Variants in ATP9A observed in about 807,000 individuals in gnomAD.
The protein encoded by ATP9A is probable phospholipid-transporting ATPase IIA.
In ATP9A, 52 loss-of-function variants were observed where a neutral mutation model predicts 144.1. The observed-to-expected ratio is 0.36, with a 90% CI of 0.29 to 0.45. ATP9A has a LOEUF of 0.45. Among genes scored for constraint, ATP9A ranks in the 20% least tolerant of loss-of-function variants. The pLI, the probability that ATP9A is intolerant of heterozygous loss-of-function variation, is 1.00. For missense variants in ATP9A, 947 were observed against 1,392.7 expected, an observed-to-expected ratio of 0.68 and a Z score of 5.09; for synonymous variants, 582 against 557.4, an observed-to-expected ratio of 1.04 and a Z score of -0.62.
intron 1 of ATP9A, among the ~76,000 whole-genome samples, chr20:51,751,573 TTTTG>T (rs1052609965): frequency 3.3e-5 from 5 of 151,650 alleles, no homozygotes; most frequent in African/African-American, 4.8e-5. Context: ...TCCTATTCCT[TTTTG>T]TTTGTTTTTT....
Position 51,611,413 on chromosome 20 carries a change from A to G in ATP9A, c.2572-1248T>C, listed in dbSNP as rs2077184393. Among the ~76,000 whole-genome samples the G allele has an allele frequency of 6.6e-6, 1 of 152,204 alleles. No individual in the cohort carries two copies. The highest frequency in any genetic ancestry group is 1.5e-5 in the Non-Finnish European group (1 of 68,030). On this transcript the variant is annotated intron_variant, in intron 23 of 27. Coordinates refer to ENST00000338821, the MANE Select transcript of ATP9A (RefSeq NM_006045.3). The surrounding 1 kb of genome is among the most constrained non-coding windows in gnomAD (Gnocchi z 4.2). The stretch of plus-strand genomic sequence containing the variant: ...GAATCTGTTGTTTATTTTCCAGACC[A>G]GTATCAGGAGCCCCTTCCTCTAAAA...
chr20:51,638,119 A>ATC (rs1568797130), intron 15 of ATP9A, among the ~76,000 whole-genome samples: 92 of 101,446 alleles, frequency 9.1e-4, no homozygotes, highest in African/African-American at 3.6e-3. Flanking sequence ...ATATATATAT[A>ATC]TATATCTCAT....
intron 14 of ATP9A, among the ~76,000 whole-genome samples, chr20:51,651,582 G>C (rs2077366943): frequency 6.6e-6 from 1 of 151,612 alleles, no homozygotes; most frequent in African/African-American, 2.4e-5. Context: ...TCTTCTTTTT[G>C]ATTCTACAAT....
At chr20:51,716,467 A>G (rs2077662113) in intron 3 of ATP9A, among the ~76,000 whole-genome samples, 1 of 144,830 alleles carries the variant, frequency 6.9e-6, no homozygotes, top group African/African-American at 2.6e-5. Flanking sequence ...GGTTTCTACA[A>G]AAGAAAATAG....
At chr20:51,653,020 G>T (rs2077373274) in intron 14 of ATP9A, among the ~76,000 whole-genome samples, 1 of 150,718 alleles carries the variant, frequency 6.6e-6, no homozygotes, top group Admixed American at 6.6e-5. Flanking sequence ...TGAGGCAGAA[G>T]AATGTTGTGA....
At chr20:51,606,965 T>C (rs1237125156) in intron 26 of ATP9A, among the ~76,000 whole-genome samples, 2 of 150,524 alleles carry the variant, frequency 1.3e-5, no homozygotes, top group African/African-American at 2.4e-5. Context: ...AAAACATACA[T>C]AAAAATAGAA....
At chr20:51,714,397 A>G (rs6126315) in intron 3 of ATP9A, among the ~76,000 whole-genome samples, 33,417 of 149,700 alleles carry the variant, frequency 0.22, 4,321 homozygotes, top group East Asian at 0.46. Context: ...TGTTGTTGTC[A>G]TTGTTACAGA....
chr20:51,673,973 C>T (rs2077466785), intron 11 of ATP9A, among the ~76,000 whole-genome samples, 180 bp downstream of exon 11: 1 of 151,722 alleles, frequency 6.6e-6, no homozygotes, highest in African/African-American at 2.4e-5. Context: ...TCACTTGAAC[C>T]TGGGAGGTGG....
chr20:51,667,876 G>A (rs1184423895), intron 13 of ATP9A, among the ~76,000 whole-genome samples: 1 of 151,562 alleles, frequency 6.6e-6, no homozygotes, highest in African/African-American at 2.4e-5. Context: ...GGGCAACACA[G>A]TGAGACCTCG....
intron 9 of ATP9A, among the ~76,000 whole-genome samples, chr20:51,676,771 G>A (rs576328774): frequency 8.0e-4 from 122 of 151,910 alleles, no homozygotes; most frequent in African/African-American, 2.8e-3. Flanking sequence ...GAGCCACCAC[G>A]CCCAACCTCA....
chr20:51,703,825 G>A (rs1323568752), intron 4 of ATP9A, among the ~76,000 whole-genome samples: 1 of 152,078 alleles, frequency 6.6e-6, no homozygotes, highest in Non-Finnish European at 1.5e-5. Context: ...ATCTATACTT[G>A]TATTTTTCAT....
intron 22 of ATP9A, among the ~76,000 whole-genome samples, chr20:51,616,832 C>A (rs1245053808): frequency 6.6e-6 from 1 of 152,130 alleles, no homozygotes; most frequent in Non-Finnish European, 1.5e-5. Context: ...TCTTCCATAG[C>A]GCCCAAGAGA....
chr20:51,751,486 T>A (rs2077831778), intron 1 of ATP9A, among the ~76,000 whole-genome samples: 1 of 152,014 alleles, frequency 6.6e-6, no homozygotes, highest in African/African-American at 2.4e-5. Flanking sequence ...GGTCTCGAAC[T>A]CCTGGGCTTA....
In ATP9A at chr20:51,600,207, T is replaced by C. The variant is rs1216745363; in HGVS notation, c.*1004A>G. The stretch of plus-strand genomic sequence containing the variant: ...GCCTTTGTGGGGTCATCTTCCATTA[T>C]GCCTCCTAACAGGAAACAGGCTTCT... On this transcript the variant is annotated 3_prime_UTR_variant, in exon 28 of 28. Transcript: ENST00000338821. The C allele has an allele frequency of 1.3e-5, 2 of 152,308 alleles. No individual in the cohort carries two copies. The highest frequency in any genetic ancestry group is 1.9e-4 in the East Asian group (1 of 5,192). The allele number at this position is 152,308 out of a possible 1,614,324, so 9.4% of individuals were successfully genotyped here.
At chr20:51,727,822 T>G (rs1047729465) in intron 2 of ATP9A, among the ~76,000 whole-genome samples, 1 of 151,064 alleles carries the variant, frequency 6.6e-6, no homozygotes, top group Non-Finnish European at 1.5e-5. Flanking sequence ...TCCCAGCTAC[T>G]CAGGAGGCTG....
At chr20:51,628,541 T>C (rs1243559533) in intron 16 of ATP9A, among the ~76,000 whole-genome samples, 2 of 152,212 alleles carry the variant, frequency 1.3e-5, no homozygotes, top group South Asian at 2.1e-4. Flanking sequence ...TTGAAGCTAG[T>C]TGCCAGGCTG....
At chr20:51,667,037 C>T (rs979311985) in intron 13 of ATP9A, among the ~76,000 whole-genome samples, 5 of 151,896 alleles carry the variant, frequency 3.3e-5, no homozygotes, top group African/African-American at 1.2e-4. Flanking sequence ...TGAGTTCACC[C>T]CAGCCTCGCA....
chr20:51,694,369 G>C (rs187863921), intron 6 of ATP9A, among the ~76,000 whole-genome samples: 32 of 152,292 alleles, frequency 2.1e-4, no homozygotes, highest in African/African-American at 7.5e-4. Flanking sequence ...TGTAAAACGT[G>C]GAGAAACGCA....
At chr20:51,625,460 C>G (rs1319912258) in intron 17 of ATP9A, 98 bp from the exon 18 acceptor site, 3 of 1,398,864 alleles carry the variant, frequency 2.1e-6, no homozygotes, top group Admixed American at 4.8e-5. Context: ...CGATCCCCAC[C>G]ACACGGGGTG....
Sources: allele counts gnomAD v4.1 joint callset (sites outside exome capture counted in the v4.1 genomes callset), GRCh38; gene constraint gnomAD v4.1.1; non-coding constraint Gnocchi (gnomAD v3.1); transcripts MANE v1.5; gene names NCBI Gene and HGNC (gene_info 2026-07-23, HGNC 2026-07-21).